The following LGR4 variants were observed in gnomAD, a reference collection of about 807,000 sequenced individuals.
LGR4 encodes the protein leucine-rich repeat-containing G protein-coupled receptor 4.
LGR4 carries 44 observed loss-of-function variants against 84.8 expected under a neutral mutation model. The observed-to-expected ratio is 0.52, with a 90% CI of 0.41 to 0.67. LGR4 has a LOEUF of 0.67. Among genes scored for constraint, LGR4 ranks in the 30% least tolerant of loss-of-function variants. The pLI is 0.00. For missense variants in LGR4, 1,032 were observed against 1,131.4 expected (o/e 0.91, Z 1.26); for synonymous variants, 429 against 434.3 (o/e 0.99, Z 0.15).
chr11:27,466,001 A>G (rs1864770904), intron 1 of LGR4, among the ~76,000 whole-genome samples: 1 of 152,264 alleles, frequency 6.6e-6, no homozygotes, highest in South Asian at 2.1e-4. Context: ...ATGTATAGGA[A>G]AACAAGCTTT....
intron 1 of LGR4, among the ~76,000 whole-genome samples, chr11:27,440,062 C>T (rs909216320): frequency 9.2e-5 from 14 of 152,064 alleles, no homozygotes; most frequent in African/African-American, 1.9e-4. Flanking sequence ...CCCACCACCA[C>T]GCCCAGCTAA....
chr11:27,366,999 A>G lies in LGR4; in HGVS notation c.*868T>C, dbSNP rs1196931067. The G allele has an allele frequency of 6.6e-6, 1 of 152,226 alleles. No homozygotes were observed. The highest frequency in any genetic ancestry group is 1.5e-5 in the Non-Finnish European group (1 of 68,032). 9.4% of individuals were successfully genotyped at this position (152,226 alleles called of 1,614,324 possible). On this transcript the variant is annotated 3_prime_UTR_variant, in exon 18 of 18. Transcript: ENST00000379214. ...TCCCAGCAAATTGGAAAATATTAGT[A>G]GAGCCAACGATATTAGGAAGTATTC...
At chr11:27,471,817 G>A (rs770047545) in intron 1 of LGR4, 3 of 251,228 alleles carry the variant, frequency 1.2e-5, no homozygotes, top group African/African-American at 4.5e-5. Context: ...CCTCCTTCTT[G>A]GCCCCAGATG....
chr11:27,429,997 G>A (rs1166861982), intron 1 of LGR4, among the ~76,000 whole-genome samples: 1 of 152,116 alleles, frequency 6.6e-6, no homozygotes, highest in African/African-American at 2.4e-5. Flanking sequence ...CCTCAGCAGG[G>A]TGCAGTGGTG....
chr11:27,407,122 A>G (rs1228351727), intron 2 of LGR4, among the ~76,000 whole-genome samples: 1 of 152,140 alleles, frequency 6.6e-6, no homozygotes, highest in East Asian at 1.9e-4. Context: ...CTTATCTACT[A>G]TTGGGTCTTG....
chr11:27,419,258 T>G (rs74530465), intron 1 of LGR4, among the ~76,000 whole-genome samples: 7,891 of 152,190 alleles, frequency 0.052, 249 homozygotes, highest in Middle Eastern at 0.095. Flanking sequence ...TTTTAAGATT[T>G]GAACAGATAC....
intron 1 of LGR4, among the ~76,000 whole-genome samples, chr11:27,417,076 G>A (rs368740281): frequency 5.3e-5 from 8 of 152,188 alleles, no homozygotes; most frequent in African/African-American, 1.7e-4. Context: ...TAAATATACC[G>A]TGATTGACCC....
At chr11:27,392,900 G>C (rs1863313980) in intron 2 of LGR4, among the ~76,000 whole-genome samples, 1 of 152,158 alleles carries the variant, frequency 6.6e-6, no homozygotes. Context: ...ATACAGATTA[G>C]AGCAAACCAG....
At chr11:27,459,433 G>A (rs1864639026) in intron 1 of LGR4, among the ~76,000 whole-genome samples, 1 of 151,998 alleles carries the variant, frequency 6.6e-6, no homozygotes, top group South Asian at 2.1e-4. Flanking sequence ...TCCTCCTTCT[G>A]GAATTCTGGA....
intron 1 of LGR4, among the ~76,000 whole-genome samples, chr11:27,431,616 C>T (rs561159879): frequency 5.3e-5 from 8 of 152,294 alleles, no homozygotes; most frequent in Admixed American, 1.3e-4. Flanking sequence ...CCTGGGTTTG[C>T]TCTTCCTTCT....
chr11:27,458,094 T>C (rs1265974844), intron 1 of LGR4, among the ~76,000 whole-genome samples: 1 of 152,144 alleles, frequency 6.6e-6, no homozygotes, highest in Non-Finnish European at 1.5e-5. Context: ...CATGCCACTG[T>C]GGTCCGGCTT....
chr11:27,382,101 A>C (rs1863106507), intron 7 of LGR4, 87 bp downstream of exon 7: 1 of 876,162 alleles, frequency 1.1e-6, no homozygotes, highest in Non-Finnish European at 1.9e-6. Flanking sequence ...ACGTAATGGA[A>C]CAAGATGTTC....
Position 27,368,728 on chromosome 11 carries a change from A to T in LGR4, c.1995T>A (p.Ala665=), listed in dbSNP as rs752436155. 6.2e-7 allele frequency: 1 copy of T among 1,613,774 alleles called. No individual in the cohort carries two copies. Among genetic ancestry groups the T allele is most frequent in the South Asian group, 1.1e-5 (1 of 90,982 alleles). Residue 665 remains alanine, a synonymous_variant, in exon 18 of 18, where the codon GCT becomes GCA. Transcript: ENST00000379214. The part of the protein sequence containing the change: ...KSNHLKQFRV[A]ALLAFLGATV... ...TAGCACCTAGGAAAGCCAAAAGGGC[A>T]GCAACCCGGAACTGTTTGAGATGAT...
intron 1 of LGR4, among the ~76,000 whole-genome samples, chr11:27,416,521 A>G (rs1355671710): frequency 6.6e-6 from 1 of 152,150 alleles, no homozygotes; most frequent in Non-Finnish European, 1.5e-5. Context: ...AGACCAGACT[A>G]AAAGGAGACA....
At chr11:27,380,378 T>C in intron 9 of LGR4, 39 bp from the exon 10 acceptor site, 1 of 1,482,026 alleles carries the variant, frequency 6.7e-7, no homozygotes. Context: ...TTTTTAAATT[T>C]TTTTTCATAT....
At position 27,370,306 on chromosome 11, in the gene LGR4, G is replaced by A. The variant is rs577869289; in HGVS notation, c.1580-1163C>T. ...TTCCTTTCTATTCCCCCTTCAGGAA[G>A]TGCTAAGAGAAAGCTCGTTATCACC... On this transcript the variant is annotated intron_variant, in intron 17 of 17. Transcript: ENST00000379214. Among the ~76,000 whole-genome samples the A allele has an allele frequency of 2.0e-5, 3 of 152,276 alleles. No individual in the cohort carries two copies. In the South Asian group the frequency reaches 6.2e-4, roughly 32 times the overall value.
intron 4 of LGR4, 95 bp from the exon 5 acceptor site, chr11:27,385,563 C>G: frequency 1.4e-6 from 1 of 734,784 alleles, no homozygotes; most frequent in Non-Finnish European, 2.2e-6. Flanking sequence ...ACAAAAAGGA[C>G]TTATAAAAAT....
chr11:27,413,924 C>T (rs1863762477), intron 1 of LGR4, among the ~76,000 whole-genome samples: 2 of 152,050 alleles, frequency 1.3e-5, no homozygotes, highest in Non-Finnish European at 2.9e-5. Context: ...CCCCATCTTT[C>T]CTCTCACTAA....
intron 1 of LGR4, among the ~76,000 whole-genome samples, chr11:27,433,839 C>T (rs1864160229): frequency 6.6e-6 from 1 of 152,292 alleles, no homozygotes; most frequent in East Asian, 1.9e-4. Context: ...TCCCATGGGC[C>T]ACAGCCAAAC....
Sources: allele counts gnomAD v4.1 joint callset (sites outside exome capture counted in the v4.1 genomes callset), GRCh38; gene constraint gnomAD v4.1.1; transcripts MANE v1.5; gene names NCBI Gene and HGNC (gene_info 2026-07-23, HGNC 2026-07-21).